Variants in BMS1 observed in about 807,000 individuals in gnomAD.
BMS1 encodes the protein BMS1 ribosome biogenesis factor, also known as ribosome biogenesis protein BMS1 homolog.
BMS1 carries 53 observed loss-of-function variants against 138.7 expected under a neutral mutation model. The observed-to-expected ratio is 0.38, with a 90% CI of 0.31 to 0.48. The LOEUF is 0.48. BMS1 is among the 20% of genes least tolerant of loss of function. The probability of loss-of-function intolerance (pLI) is 0.97; values close to 1 mark genes in which losing one functional copy is unlikely to be tolerated. For synonymous variants in BMS1, 504 were observed against 539.9 expected, an observed-to-expected ratio of 0.93 and a Z score of 0.92; for missense variants, 1,360 against 1,565.5, an observed-to-expected ratio of 0.87 and a Z score of 2.22.
At chr10:42,815,385 A>C (rs1842317756) in intron 13 of BMS1, among the ~76,000 whole-genome samples, 2 of 152,152 alleles carry the variant, frequency 1.3e-5, no homozygotes, top group South Asian at 4.1e-4. Flanking sequence ...TTAAAAAAAT[A>C]AAGTTCTGGT....
rs746056748 is a variant in BMS1 at position 42,820,674 on chromosome 10, G to A, written c.2936G>A (p.Gly979Glu). 1 of 1,611,718 alleles carries A rather than the reference G, an allele frequency of 6.2e-7. No homozygotes were observed. Among genetic ancestry groups the A allele is most frequent in the Non-Finnish European group, 8.5e-7 (1 of 1,179,758 alleles). ...TATACCCCACAGCACATGCATTGCG[G>A]AGCAGCCTTTTGGGGTAAAATATGA... The part of the protein sequence containing the change: ...LKYTPQHMHC[G>E]AAFWGPITPQ... Residue 979 changes from glycine (G) to glutamate (E), a missense_variant, in exon 17 of 23, where the codon GGA (glycine) becomes GAA (glutamate). By Grantham distance (98) the Gly-to-Glu change is moderately conservative (BLOSUM62 -2). Coordinates refer to ENST00000374518, the MANE Select transcript of BMS1 (RefSeq NM_014753.4).
chr10:42,817,567 G>C, intron 15 of BMS1, 73 bp downstream of exon 15: 5 of 1,442,698 alleles, frequency 3.5e-6, no homozygotes, highest in Non-Finnish European at 4.7e-6. Flanking sequence ...ACTTTGTTTG[G>C]GTCCCTACGT....
Position 42,830,430 on chromosome 10 carries a change from T to A in BMS1, c.3618+8T>A. 6.2e-7 allele frequency: 1 copy of A among 1,605,812 alleles called. No homozygotes were observed. Among genetic ancestry groups the A allele is most frequent in the Non-Finnish European group, 8.5e-7 (1 of 1,178,094 alleles). Reference sequence around the variant, plus strand: ...GAGCCTCATGAAAGAAAGGTACTGTTGCCCATGCTGTACTGCACGCTGCGT... The same window carrying A: ...GAGCCTCATGAAAGAAAGGTACTGTAGCCCATGCTGTACTGCACGCTGCGT... On this transcript the variant is annotated splice_region_variant and intron_variant, in intron 22 of 22. Coordinates refer to ENST00000374518, the MANE Select transcript of BMS1 (RefSeq NM_014753.4).
chr10:42,820,654 C>G lies in BMS1; in HGVS notation c.2916C>G (p.Thr972=), dbSNP rs1368891501. The G allele has an allele frequency of 6.2e-7, 1 of 1,611,758 alleles. No individual in the cohort carries two copies. The highest frequency in any genetic ancestry group is 2.2e-5 in the East Asian group (1 of 44,900). The change falls in exon 17 of 23, where the codon ACC becomes ACG. Residue 972 remains threonine (T), a synonymous_variant. Transcript: ENST00000374518. ...HNGRQRLLKY[T]PQHMHCGAAF... is the part of the protein sequence containing the mutation. ...GAAGACAAAGGCTTCTAAAGTATACCCCACAGCACATGCATTGCGGAGCAG... is the reference window on the plus strand; with the variant it reads ...GAAGACAAAGGCTTCTAAAGTATACGCCACAGCACATGCATTGCGGAGCAG...
rs1195052945 is a variant in BMS1 at position 42,821,020 on chromosome 10, A to G, written c.3009+28A>G. 3 of 1,507,304 alleles carry G rather than the reference A, an allele frequency of 2.0e-6. No individual in the cohort carries two copies. In the Admixed American group the frequency reaches 5.0e-5, roughly 25 times the overall value. 93.4% of individuals were successfully genotyped at this position (1,507,304 alleles called of 1,614,324 possible). On this transcript the variant is annotated intron_variant, in intron 18 of 22. Transcript: ENST00000374518. ...AACTATCTTGGATGATTTCTTTTAC[A>G]GATTGGTTTGAGAAATATATCCTGG...
In BMS1 at chr10:42,830,903, G is replaced by A. The variant is rs186197369; in HGVS notation, c.3656G>A (p.Ser1219Asn). Residue 1219 changes from serine to asparagine, a missense_variant, in exon 23 of 23, where the codon AGT (serine) becomes AAT (asparagine). Ser to Asn is a conservative substitution (Grantham distance 46). Transcript: ENST00000374518. ...ALLDALSTVHSQKMKKAKEQR... is the reference protein window; with the variant it reads ...ALLDALSTVHNQKMKKAKEQR... ...CTGGATGCTCTGAGTACGGTGCATA[G>A]TCAGAAGATGAAGAAGGCCAAGGAG... 1.9e-6 allele frequency: 3 copies of A among 1,612,392 alleles called. No individual in the cohort carries two copies. The highest frequency in any genetic ancestry group is 2.5e-6 in the Non-Finnish European group (3 of 1,179,346).
intron 19 of BMS1, among the ~76,000 whole-genome samples, chr10:42,822,527 A>G (rs1842530463): frequency 6.6e-6 from 1 of 152,222 alleles, no homozygotes; most frequent in South Asian, 2.1e-4. Flanking sequence ...AAAAATCACA[A>G]GTTTGTCTAA....
intron 12 of BMS1, among the ~76,000 whole-genome samples, chr10:42,801,757 G>T (rs1539294): frequency 0.47 from 71,478 of 152,048 alleles, 17,465 homozygotes; most frequent in East Asian, 0.63. Flanking sequence ...CTTCTCCCAT[G>T]TTATAGGAAT....
At chr10:42,805,202 C>T (rs1287692505) in intron 13 of BMS1, among the ~76,000 whole-genome samples, 2 of 152,112 alleles carry the variant, frequency 1.3e-5, no homozygotes, top group Non-Finnish European at 2.9e-5. Flanking sequence ...TTCCTTTTGA[C>T]ATATTGATAT....
At chr10:42,809,883 T>A (rs1842119180) in intron 13 of BMS1, among the ~76,000 whole-genome samples, 1 of 151,798 alleles carries the variant, frequency 6.6e-6, no homozygotes, top group African/African-American at 2.4e-5. Context: ...CCTCCTATGC[T>A]CCAGTGATCC....
rs745854477 is a variant in BMS1, at chr10:42,793,050, AG to A, written c.996del (p.Lys333SerfsTer60). The A allele has an allele frequency of 6.2e-7, 1 of 1,613,970 alleles. No homozygotes were observed. Among genetic ancestry groups the A allele is most frequent in the Non-Finnish European group, 8.5e-7 (1 of 1,180,002 alleles). The part of the protein sequence containing the change: ...QQKKRCLNEK[E>X]KLVYAPLSGV... ...AAGAAGCGCTGTTTAAATGAGAAGG[AG>A]AAGCTGGTTTATGCGCCTCTTTCTG... On this transcript the variant is annotated frameshift_variant, in exon 8 of 23. Coordinates refer to ENST00000374518, the MANE Select transcript of BMS1 (RefSeq NM_014753.4). LOFTEE classifies it high-confidence loss of function.
Position 42,831,209 on chromosome 10 carries a change from C to T in BMS1, c.*113C>T, listed in dbSNP as rs551851907. 2.7e-6 allele frequency: 3 copies of T among 1,121,468 alleles called. No homozygotes were observed. Among genetic ancestry groups the T allele is most frequent in the Middle Eastern group, 6.1e-4 (2 of 3,270 alleles). 69.5% of individuals were successfully genotyped at this position (1,121,468 alleles called of 1,614,324 possible). ...GTGGGAAAGAGCTCAAGAGATGTCTCTACTCAAACTGTGCCTGCAGGAGGA... is the reference window on the plus strand; with the variant it reads ...GTGGGAAAGAGCTCAAGAGATGTCTTTACTCAAACTGTGCCTGCAGGAGGA... On this transcript the variant is annotated 3_prime_UTR_variant, in exon 23 of 23. Coordinates refer to ENST00000374518, the MANE Select transcript of BMS1 (RefSeq NM_014753.4).
At position 42,798,560 on chromosome 10, in the gene BMS1, A is replaced by G; in HGVS notation, c.2182A>G (p.Lys728Glu). ...VNQPDRECKH[K>E]ADSLDCSRFL... is the part of the protein sequence containing the mutation. ...CCAGCCTGACAGAGAGTGTAAGCAC[A>G]AGGCTGACTCTTTGGACTGCTCCAG... The change falls in exon 12 of 23, where the codon AAG becomes GAG. Residue 728 changes from lysine (K) to glutamate (E), a missense_variant. Lys to Glu is a moderately conservative substitution (Grantham distance 56). Coordinates refer to ENST00000374518, the MANE Select transcript of BMS1 (RefSeq NM_014753.4). 6.2e-7 allele frequency: 1 copy of G among 1,614,260 alleles called. No homozygotes were observed.
intron 21 of BMS1, among the ~76,000 whole-genome samples, chr10:42,826,179 T>A (rs1360619743): frequency 6.6e-6 from 1 of 152,190 alleles, no homozygotes; most frequent in Non-Finnish European, 1.5e-5. Context: ...AAAATTTTTT[T>A]AGGATGTTTG....
At position 42,800,652 on chromosome 10, in the gene BMS1, G is replaced by A. The variant is rs149145419; in HGVS notation, c.2248-1485G>A. Among the ~76,000 whole-genome samples, 4 of 150,602 alleles carry A rather than the reference G, an allele frequency of 2.7e-5. 1 individual carries two copies. The highest frequency in any genetic ancestry group is 4.2e-4 in the South Asian group (2 of 4,760). ...TGCCATTCTCCTGCCTCAGCCTCCCGAGTAGCTGGTATTACAGGCGCCCAC... is the reference window on the plus strand; with the variant it reads ...TGCCATTCTCCTGCCTCAGCCTCCCAAGTAGCTGGTATTACAGGCGCCCAC... On this transcript the variant is annotated intron_variant, in intron 12 of 22. Transcript: ENST00000374518.
intron 13 of BMS1, among the ~76,000 whole-genome samples, chr10:42,811,493 C>A (rs1426700110): frequency 6.6e-6 from 1 of 151,126 alleles, no homozygotes; most frequent in East Asian, 1.9e-4. Context: ...TGAGCTGTAC[C>A]CCACAAATGT....
Position 42,820,411 on chromosome 10 carries a change from T to C in BMS1, c.2756T>C (p.Val919Ala). The change falls in exon 16 of 23, where the codon GTT becomes GCT. Residue 919 changes from valine to alanine, a missense_variant. Coordinates refer to ENST00000374518, the MANE Select transcript of BMS1 (RefSeq NM_014753.4). ...LGGLGNSEGN[V>A]GYVQMRLKKH... ...GGCTTGGGCAACAGTGAGGGAAATG[T>C]TGGCTACGTGCAGGTGGGTCCCTTT... The C allele has an allele frequency of 6.2e-7, 1 of 1,613,762 alleles. No individual in the cohort carries two copies. Among genetic ancestry groups the C allele is most frequent in the African/African-American group, 1.3e-5 (1 of 75,034 alleles).
chr10:42,825,680 C>CT (rs1033624451), intron 21 of BMS1, among the ~76,000 whole-genome samples: 24 of 152,310 alleles, frequency 1.6e-4, no homozygotes, highest in Non-Finnish European at 3.1e-4. Flanking sequence ...AGTTCTCACA[C>CT]TTTTTTGTGG....
Position 42,817,305 on chromosome 10 carries a change from C to T in BMS1, c.2404-13C>T, listed in dbSNP as rs1172164965. 2.6e-6 allele frequency: 4 copies of T among 1,550,964 alleles called. No individual in the cohort carries two copies. Among genetic ancestry groups the T allele is most frequent in the Non-Finnish European group, 3.5e-6 (4 of 1,155,874 alleles). On this transcript the variant is annotated splice_polypyrimidine_tract_variant and intron_variant, in intron 14 of 22. Transcript: ENST00000374518. ...ATAAACATACACAAAATTTTTTCTT[C>T]TGGAAATTTAAGAATGAAGATATAG...
Sources: allele counts gnomAD v4.1 joint callset (sites outside exome capture counted in the v4.1 genomes callset), GRCh38; gene constraint gnomAD v4.1.1; transcripts MANE v1.5; gene names NCBI Gene and HGNC (gene_info 2026-07-23, HGNC 2026-07-21).